ARHGEF4: variants seen among roughly 807,000 people sequenced by gnomAD.
ARHGEF4 encodes APC-stimulated guanine nucleotide exchange factor 1.
A neutral mutation model predicts 162.0 loss-of-function variants in ARHGEF4; 119 were observed. That is an observed-to-expected ratio of 0.73 (90% CI 0.63 to 0.86). ARHGEF4 has a LOEUF of 0.86. Among genes scored for constraint, ARHGEF4 ranks in the 40% least tolerant of loss-of-function variants. The probability of loss-of-function intolerance (pLI) is 0.00; values close to 1 mark genes in which losing one functional copy is unlikely to be tolerated. For missense variants in ARHGEF4, 2,488 were observed against 2,456.0 expected (o/e 1.01, Z -0.28); for synonymous variants, 1,014 against 979.9 (o/e 1.03, Z -0.65).
chr2:130,943,783 T>C (rs1385295193), intron 3 of ARHGEF4, among the ~76,000 whole-genome samples: 1 of 152,210 alleles, frequency 6.6e-6, no homozygotes, highest in Non-Finnish European at 1.5e-5. Flanking sequence ...GAAAACTGCA[T>C]TAGATAATAT....
At chr2:130,996,840 A>G (rs1687422736) in intron 4 of ARHGEF4, among the ~76,000 whole-genome samples, 3 of 152,186 alleles carry the variant, frequency 2.0e-5, no homozygotes. Context: ...CTTCAAGTCT[A>G]TTGGATGTAA....
chr2:130,874,254 G>A (rs989303333), intron 1 of ARHGEF4, among the ~76,000 whole-genome samples: 5 of 152,156 alleles, frequency 3.3e-5, no homozygotes, highest in Non-Finnish European at 5.9e-5. Flanking sequence ...ACTACAAGGC[G>A]GCTGTACCAA....
intron 5 of ARHGEF4, among the ~76,000 whole-genome samples, chr2:131,038,431 C>CCCAGACTCTCCCTCCTGCAGCCTTGCAGT (rs1558887695): frequency 6.8e-6 from 1 of 146,356 alleles, no homozygotes; most frequent in African/African-American, 2.6e-5. Context: ...AGCCTTGCAG[C>CCCAGACTCTCCCTCCTGCAGCCTTGCAGT]GCCCAGCCTC....
chr2:130,917,081 T>A lies in ARHGEF4; in HGVS notation c.3135T>A (p.Gly1045=), dbSNP rs1681545649. The A allele has an allele frequency of 1.3e-6, 2 of 1,550,584 alleles. No homozygotes were observed. Among genetic ancestry groups the A allele is most frequent in the Non-Finnish European group, 1.7e-6 (2 of 1,146,982 alleles). ...TQEGGRYLPS[G]IFPEKSWLAS... is the part of the protein sequence containing the mutation. ...AAGGCGGTAGGTACCTACCTTCAGGTATCTTTCCGGAAAAGTCCTGGCTGG... is the reference window on the plus strand; with the variant it reads ...AAGGCGGTAGGTACCTACCTTCAGGAATCTTTCCGGAAAAGTCCTGGCTGG... Residue 1045 remains glycine (G), a synonymous_variant, in exon 2 of 14, where the codon GGT becomes GGA. Transcript: ENST00000409359.
intron 4 of ARHGEF4, among the ~76,000 whole-genome samples, chr2:131,023,663 A>G (rs1341664284): frequency 6.6e-6 from 1 of 152,230 alleles, no homozygotes; most frequent in East Asian, 1.9e-4. Flanking sequence ...AGTAATAGGA[A>G]CGTAAAATAG....
chr2:130,971,655 C>CAAAAA (rs35136790), intron 4 of ARHGEF4, among the ~76,000 whole-genome samples: 171 of 101,284 alleles, frequency 1.7e-3, no homozygotes, highest in African/African-American at 6.5e-3. Flanking sequence ...GAGACTGTCT[C>CAAAAA]AAAAAAAAAA....
intron 4 of ARHGEF4, among the ~76,000 whole-genome samples, chr2:131,014,678 TTCTC>T (rs564499172): frequency 2.8e-4 from 43 of 152,348 alleles, no homozygotes; most frequent in Admixed American, 2.4e-3. Flanking sequence ...TAAGGTCTCT[TTCTC>T]TCTGTGCCAC....
chr2:130,906,740 C>T (rs7370154), intron 1 of ARHGEF4, among the ~76,000 whole-genome samples: 138,239 of 152,268 alleles, frequency 0.91, 63,313 homozygotes, highest in East Asian at 1. Flanking sequence ...CCAGTCGACA[C>T]GTCATTCTCT....
chr2:130,916,222 C>G lies in ARHGEF4; in HGVS notation c.2276C>G (p.Ala759Gly), dbSNP rs1438431668. The change falls in exon 2 of 14, where the codon GCT (alanine) becomes GGT (glycine). Residue 759 changes from alanine (A) to glycine (G), a missense_variant. Ala to Gly is a moderately conservative substitution (Grantham distance 60, BLOSUM62 0). Around this residue, in one of 6 missense-constraint regions of ARHGEF4, gnomAD observed 1,642 missense variants for 1,481.5 expected, o/e 1.11. Transcript: ENST00000409359. Reference sequence around the variant, plus strand: ...CCGGAGGAGGCCCCCGAAGGCGGTGCTGCAGCAGCCCGGGGCCAGCGCCCC... The same window carrying G: ...CCGGAGGAGGCCCCCGAAGGCGGTGGTGCAGCAGCCCGGGGCCAGCGCCCC... Reference protein sequence around the residue: ...RGPEEAPEGGAAAARGQRPRV... With the variant: ...RGPEEAPEGGGAAARGQRPRV... 6.5e-7 allele frequency: 1 copy of G among 1,542,124 alleles called. No individual in the cohort carries two copies. Among genetic ancestry groups the G allele is most frequent in the East Asian group, 2.5e-5 (1 of 40,522 alleles).
chr2:130,876,388 A>T (rs1415419143), intron 1 of ARHGEF4, among the ~76,000 whole-genome samples: 1 of 152,070 alleles, frequency 6.6e-6, no homozygotes, highest in East Asian at 1.9e-4. Flanking sequence ...ACTTTGTATG[A>T]GCATCTTTTT....
chr2:130,950,302 A>G (rs1378287036), intron 4 of ARHGEF4, among the ~76,000 whole-genome samples: 1 of 152,138 alleles, frequency 6.6e-6, no homozygotes, highest in Non-Finnish European at 1.5e-5. Context: ...ATCGGTGTCC[A>G]AGATAAACCC....
At chr2:130,918,764 A>G (rs542235709) in intron 2 of ARHGEF4, among the ~76,000 whole-genome samples, 7 of 152,310 alleles carry the variant, frequency 4.6e-5, no homozygotes, top group African/African-American at 1.7e-4. Flanking sequence ...CCAGCAGGAA[A>G]TGGCTTCACC....
intron 1 of ARHGEF4, among the ~76,000 whole-genome samples, chr2:130,884,878 G>C (rs1164859562): frequency 6.6e-6 from 1 of 152,092 alleles, no homozygotes; most frequent in Non-Finnish European, 1.5e-5. Context: ...TTCAGGATCT[G>C]TGCTAACCAG....
chr2:131,035,089 G>T (rs1690145808), intron 5 of ARHGEF4: 1 of 1,054,142 alleles, frequency 9.5e-7, no homozygotes. Context: ...GAGGCCGGGC[G>T]CCATGGCGAG....
intron 1 of ARHGEF4, among the ~76,000 whole-genome samples, chr2:130,889,872 A>G (rs74355121): frequency 0.014 from 2,117 of 151,670 alleles, 52 homozygotes; most frequent in African/African-American, 0.048. Flanking sequence ...CAAATATGCA[A>G]TTCTGGTTTG....
At chr2:130,881,643 C>T (rs1482219009) in intron 1 of ARHGEF4, among the ~76,000 whole-genome samples, 6 of 152,186 alleles carry the variant, frequency 3.9e-5, no homozygotes, top group African/African-American at 1.4e-4. Context: ...CCTCCGCAGA[C>T]GTACAAGGTT....
intron 8 of ARHGEF4, 100 bp downstream of exon 8, chr2:131,040,540 C>T: frequency 3.7e-6 from 5 of 1,334,962 alleles, no homozygotes; most frequent in Non-Finnish European, 5.0e-6. Context: ...AAACCTTCCA[C>T]AACGCCTGGG....
rs1681460622 is a variant in ARHGEF4 at position 130,915,969 on chromosome 2, T to C, written c.2023T>C (p.Cys675Arg). ...TCCCTTGAGCACTGGCGAGACCCCC[T>C]GTGAGTCTCCCACTAGGGGGAAAAC... ...ESPLSTGETP[C>R]ESPTRGKTPA... Residue 675 changes from cysteine to arginine, a missense_variant, in exon 2 of 14, where the codon TGT becomes CGT. By Grantham distance (180) the Cys-to-Arg change is radical. Transcript: ENST00000409359. 6.4e-7 allele frequency: 1 copy of C among 1,550,402 alleles called. No homozygotes were observed. The highest frequency in any genetic ancestry group is 1.4e-5 in the African/African-American group (1 of 73,046).
chr2:130,852,605 A>G (rs1413169408), intron 1 of ARHGEF4, among the ~76,000 whole-genome samples: 1 of 152,120 alleles, frequency 6.6e-6, no homozygotes, highest in Non-Finnish European at 1.5e-5. Context: ...AGCCTGGCCC[A>G]TAAGGTGGGA....
Sources: allele counts gnomAD v4.1 joint callset (sites outside exome capture counted in the v4.1 genomes callset), GRCh38; gene constraint gnomAD v4.1.1; regional missense constraint gnomAD v4.1.1; transcripts MANE v1.5; gene names NCBI Gene and HGNC (gene_info 2026-07-23, HGNC 2026-07-21).